MALRD1: variants seen among roughly 807,000 people sequenced by gnomAD.
The protein encoded by MALRD1 is MAM and LDL-receptor class A domain-containing protein 1.
In MALRD1, 247 loss-of-function variants were observed where a neutral mutation model predicts 242.1. That is an observed-to-expected ratio of 1.02 (90% CI 0.92 to 1.13). MALRD1 has a LOEUF of 1.13. Ranked by LOEUF, MALRD1 falls within the 50% of genes most tolerant of loss-of-function variation. MALRD1 has a pLI of 0.00. For missense variants in MALRD1, 2,989 were observed against 2,533.1 expected, an observed-to-expected ratio of 1.18 and a Z score of -3.86; for synonymous variants, 995 against 866.6, an observed-to-expected ratio of 1.15 and a Z score of -2.60.
At chr10:19,178,435 G>A (rs1835350816) in intron 14 of MALRD1, among the ~76,000 whole-genome samples, 3 of 152,156 alleles carry the variant, frequency 2.0e-5, no homozygotes, top group Admixed American at 2.0e-4. Flanking sequence ...ATTGTTATAT[G>A]TATGGAGCAG....
At chr10:19,215,782 G>A (rs893554731) in intron 18 of MALRD1, among the ~76,000 whole-genome samples, 5 of 53,416 alleles carry the variant, frequency 9.4e-5, no homozygotes, top group African/African-American at 2.5e-4. Context: ...AGTATAATTA[G>A]TATAAATAAA....
At position 19,136,588 on chromosome 10, in the gene MALRD1, G is replaced by T; in HGVS notation, c.1218G>T (p.Gly406=). 2 of 1,230,990 alleles carry T rather than the reference G, an allele frequency of 1.6e-6. No individual in the cohort carries two copies. The highest frequency in any genetic ancestry group is 2.0e-6 in the Non-Finnish European group (2 of 987,400). The allele number at this position is 1,230,990 out of a possible 1,614,324, so 76.3% of individuals were successfully genotyped here. A position where few individuals can be genotyped will look rare whatever the true frequency, so the allele number is the denominator to read the frequency against. The part of the protein sequence containing the change: ...DLKTFKIIFE[G]TLLSQRSFIA... ...CCTTCCTAAAGATTATTTTTGAAGG[G>T]ACTCTTTTGAGCCAGAGAAGTTTTA... Residue 406 remains glycine (G), a synonymous_variant, in exon 10 of 40, where the codon GGG becomes GGT. Transcript: ENST00000454679.
chr10:19,581,099 T>C (rs576367981), intron 33 of MALRD1, among the ~76,000 whole-genome samples: 1 of 152,322 alleles, frequency 6.6e-6, no homozygotes, highest in Non-Finnish European at 1.5e-5. Context: ...AGGGCTCTTA[T>C]GGAGACATAA....
intron 28 of MALRD1, among the ~76,000 whole-genome samples, chr10:19,447,934 G>A (rs1009832360): frequency 6.6e-6 from 1 of 152,144 alleles, no homozygotes; most frequent in Non-Finnish European, 1.5e-5. Context: ...GTGGGTGTCA[G>A]ATTTGTTGTT....
Position 19,302,590 on chromosome 10 carries a change from C to T in MALRD1, c.3419+19409C>T, listed in dbSNP as rs191070134. On this transcript the variant is annotated intron_variant, in intron 21 of 39. Transcript: ENST00000454679. ...GAAATTTCCAGATTGGGCAAATCTA[C>T]AGAAAGAGAAAGTCTTCCAAAGGAT... 2.5e-3 allele frequency among the ~76,000 whole-genome samples: 378 copies of T among 151,796 alleles called. 1 individual carries two copies. Among genetic ancestry groups the T allele is most frequent in the Non-Finnish European group, 4.1e-3 (277 of 67,802 alleles).
chr10:19,460,794 G>C (rs373987001), intron 29 of MALRD1, among the ~76,000 whole-genome samples: 14 of 152,222 alleles, frequency 9.2e-5, no homozygotes, highest in African/African-American at 3.4e-4. Flanking sequence ...CGAAGACCAG[G>C]AGAACTAGGC....
At chr10:19,531,060 C>T in intron 31 of MALRD1, 134 bp from the exon 32 acceptor site, 1 of 726,708 alleles carries the variant, frequency 1.4e-6, no homozygotes, top group Non-Finnish European at 2.1e-6. Context: ...TATATGACTC[C>T]CAAAATCAAA....
chr10:19,529,044 C>T (rs2131339907), intron 31 of MALRD1, among the ~76,000 whole-genome samples: 1 of 152,310 alleles, frequency 6.6e-6, no homozygotes, highest in East Asian at 1.9e-4. Context: ...CAGCCCTTGG[C>T]AGCCCACACA....
At chr10:19,181,271 G>T (rs1424046947) in intron 14 of MALRD1, among the ~76,000 whole-genome samples, 1 of 152,160 alleles carries the variant, frequency 6.6e-6, no homozygotes, top group East Asian at 1.9e-4. Context: ...CATGTTCGCT[G>T]CAGGATTATT....
intron 18 of MALRD1, among the ~76,000 whole-genome samples, chr10:19,237,046 G>A (rs1242293276): frequency 2.6e-5 from 4 of 151,910 alleles, no homozygotes; most frequent in Non-Finnish European, 5.9e-5. Context: ...GATACAATTT[G>A]ATGTTTCAAT....
chr10:19,541,185 G>T (rs7077392), intron 32 of MALRD1, among the ~76,000 whole-genome samples: 120,293 of 152,112 alleles, frequency 0.79, 48,096 homozygotes, highest in Non-Finnish European at 0.85. Context: ...AGACTAACCG[G>T]TTCTCTTTCA....
intron 36 of MALRD1, among the ~76,000 whole-genome samples, chr10:19,623,506 T>C (rs1176388264): frequency 1.3e-5 from 2 of 152,088 alleles, no homozygotes; most frequent in Non-Finnish European, 2.9e-5. Flanking sequence ...CATCTGCAAA[T>C]TGAAGAACCA....
intron 29 of MALRD1, among the ~76,000 whole-genome samples, chr10:19,471,780 A>T (rs1382343724): frequency 2.0e-5 from 3 of 151,708 alleles, no homozygotes; most frequent in Admixed American, 6.6e-5. Context: ...TGCATCCTGC[A>T]ACTTTACAAA....
intron 32 of MALRD1, among the ~76,000 whole-genome samples, chr10:19,566,480 T>C (rs1400759695): frequency 1.3e-5 from 2 of 151,654 alleles, no homozygotes; most frequent in African/African-American, 4.8e-5. Context: ...ATTTTGACAC[T>C]AAGAAAACAG....
chr10:19,270,838 A>ACACACACGCG (rs1260066166), intron 19 of MALRD1, among the ~76,000 whole-genome samples: 3 of 151,502 alleles, frequency 2.0e-5, no homozygotes, highest in South Asian at 2.1e-4. Flanking sequence ...ACACACACAC[A>ACACACACGCG]CACACGCACA....
chr10:19,410,838 C>G (rs1833250546), intron 28 of MALRD1, among the ~76,000 whole-genome samples: 1 of 152,110 alleles, frequency 6.6e-6, no homozygotes, highest in Non-Finnish European at 1.5e-5. Context: ...ATTTAGACAT[C>G]TACTATGTCA....
chr10:19,171,081 T>G (rs1588645602), intron 13 of MALRD1, among the ~76,000 whole-genome samples: 1 of 152,154 alleles, frequency 6.6e-6, no homozygotes, highest in East Asian at 1.9e-4. Context: ...GAAAAGCACC[T>G]GAGTTTTGCA....
chr10:19,472,733 G>A (rs1359820418), intron 29 of MALRD1, among the ~76,000 whole-genome samples: 1 of 151,672 alleles, frequency 6.6e-6, no homozygotes, highest in Non-Finnish European at 1.5e-5. Context: ...TATCTCTGTG[G>A]TAACAGTGGT....
At chr10:19,166,374 G>A (rs946735832) in intron 13 of MALRD1, among the ~76,000 whole-genome samples, 1 of 152,174 alleles carries the variant, frequency 6.6e-6, no homozygotes, top group Non-Finnish European at 1.5e-5. Flanking sequence ...GAACTAAAAA[G>A]TTGATCTCAT....
Sources: allele counts gnomAD v4.1 joint callset (sites outside exome capture counted in the v4.1 genomes callset), GRCh38; gene constraint gnomAD v4.1.1; transcripts MANE v1.5; gene names NCBI Gene and HGNC (gene_info 2026-07-23, HGNC 2026-07-21).